Variants in AGBL4 observed in about 807,000 individuals in gnomAD.
AGBL4 encodes cytosolic carboxypeptidase 6.
Under a neutral mutation model 66.4 loss-of-function variants are expected in AGBL4, and 58 were observed. That is an observed-to-expected ratio of 0.87 (90% CI 0.71 to 1.09). The LOEUF is 1.09. AGBL4 is among the 50% of genes least tolerant of loss of function. The pLI, the probability that AGBL4 is intolerant of heterozygous loss-of-function variation, is 0.00. For synonymous variants in AGBL4, 234 were observed against 222.9 expected, an observed-to-expected ratio of 1.05 and a Z score of -0.44; for missense variants, 579 against 631.0, an observed-to-expected ratio of 0.92 and a Z score of 0.88.
intron 3 of AGBL4, among the ~76,000 whole-genome samples, chr1:49,330,414 G>C (rs1326586629): frequency 1.3e-5 from 2 of 152,116 alleles, no homozygotes; most frequent in Admixed American, 6.5e-5. Context: ...GCGAGACTGT[G>C]TCTCAAAATA....
chr1:49,953,348 A>G (rs1242847543), intron 1 of AGBL4, among the ~76,000 whole-genome samples: 4 of 151,972 alleles, frequency 2.6e-5, no homozygotes, highest in African/African-American at 9.7e-5. Context: ...GGTTAGGTAC[A>G]CTTCTTTGAT....
At chr1:49,490,095 G>A (rs1647157663) in intron 3 of AGBL4, among the ~76,000 whole-genome samples, 1 of 151,758 alleles carries the variant, frequency 6.6e-6, no homozygotes, top group African/African-American at 2.4e-5. Flanking sequence ...GTGGCAGCAG[G>A]CATCTTTGCC....
chr1:48,686,596 A>T (rs145786767), intron 6 of AGBL4, among the ~76,000 whole-genome samples: 1 of 152,208 alleles, frequency 6.6e-6, no homozygotes, highest in Non-Finnish European at 1.5e-5. Context: ...GAAAAAAGGG[A>T]CTAAGGAATA....
At chr1:48,825,614 C>T (rs993310578) in intron 6 of AGBL4, among the ~76,000 whole-genome samples, 5 of 152,036 alleles carry the variant, frequency 3.3e-5, no homozygotes, top group East Asian at 3.9e-4. Context: ...GTATTTTATT[C>T]GCTCATTGAC....
At chr1:48,719,719 G>A (rs1228420521) in intron 6 of AGBL4, among the ~76,000 whole-genome samples, 6 of 152,212 alleles carry the variant, frequency 3.9e-5, no homozygotes, top group Non-Finnish European at 8.8e-5. Flanking sequence ...TGCTTTCTAT[G>A]TGCTAGGTAT....
chr1:49,374,640 C>T lies in AGBL4; in HGVS notation c.283-128776G>A, dbSNP rs56180913. ...AAGAATTTAGTCGAGTAGGAATCAT[C>T]CTTGACCCTTCTTTTCTTTTTTACC... On this transcript the variant is annotated intron_variant, in intron 3 of 13. Transcript: ENST00000371839. 3.9e-3 allele frequency among the ~76,000 whole-genome samples: 600 copies of T among 152,154 alleles called. 3 individuals carry two copies. The highest frequency in any genetic ancestry group is 7.3e-3 in the Non-Finnish European group (498 of 67,996).
At chr1:49,185,170 C>T (rs1391237084) in intron 4 of AGBL4, among the ~76,000 whole-genome samples, 1 of 152,156 alleles carries the variant, frequency 6.6e-6, no homozygotes, top group Non-Finnish European at 1.5e-5. Context: ...TATTGTGTTC[C>T]ATAGGCTCTG....
intron 11 of AGBL4, among the ~76,000 whole-genome samples, chr1:48,559,325 T>G (rs1644363834): frequency 6.6e-6 from 1 of 152,160 alleles, no homozygotes; most frequent in African/African-American, 2.4e-5. Flanking sequence ...AGTACCTGTA[T>G]GCAGGAAGAT....
chr1:49,313,437 G>A (rs560709237), intron 3 of AGBL4, among the ~76,000 whole-genome samples: 1 of 152,218 alleles, frequency 6.6e-6, no homozygotes, highest in East Asian at 1.9e-4. Context: ...CTAGATCCTT[G>A]AGGAATCACC....
At chr1:49,650,662 A>T (rs1645984601) in intron 3 of AGBL4, among the ~76,000 whole-genome samples, 1 of 152,202 alleles carries the variant, frequency 6.6e-6, no homozygotes, top group South Asian at 2.1e-4. Flanking sequence ...TTTGGCAACT[A>T]CAGGGAACCA....
At chr1:49,396,253 C>T (rs1364615101) in intron 3 of AGBL4, among the ~76,000 whole-genome samples, 3 of 151,762 alleles carry the variant, frequency 2.0e-5, no homozygotes, top group African/African-American at 7.3e-5. Context: ...AGGATAGATA[C>T]TAGATGCAGG....
chr1:49,445,150 G>GT (rs915564583), intron 3 of AGBL4, among the ~76,000 whole-genome samples: 81 of 148,130 alleles, frequency 5.5e-4, no homozygotes, highest in East Asian at 3.9e-3. Flanking sequence ...ATGGCTGACA[G>GT]TTTTTTTTTT....
chr1:49,711,321 G>A (rs1212995687), intron 2 of AGBL4, among the ~76,000 whole-genome samples: 1 of 151,982 alleles, frequency 6.6e-6, no homozygotes, highest in Non-Finnish European at 1.5e-5. Context: ...ATTTGTAATA[G>A]CTGAAAACTG....
At chr1:49,590,383 T>C (rs911606330) in intron 3 of AGBL4, among the ~76,000 whole-genome samples, 1 of 149,872 alleles carries the variant, frequency 6.7e-6, no homozygotes, top group African/African-American at 2.5e-5. Context: ...TGAAAAAGAA[T>C]TTGTACAGAA....
chr1:48,998,840 G>A (rs1167861249), intron 5 of AGBL4, among the ~76,000 whole-genome samples: 1 of 152,168 alleles, frequency 6.6e-6, no homozygotes, highest in Non-Finnish European at 1.5e-5. Context: ...TTAACACATA[G>A]GGAAACATAC....
At chr1:48,625,580 A>G (rs1645490589) in intron 9 of AGBL4, among the ~76,000 whole-genome samples, 1 of 152,200 alleles carries the variant, frequency 6.6e-6, no homozygotes, top group South Asian at 2.1e-4. Flanking sequence ...GTATATGCAT[A>G]GTATCTAATC....
chr1:48,637,465 T>C (rs1190856354), intron 8 of AGBL4, among the ~76,000 whole-genome samples: 2 of 152,138 alleles, frequency 1.3e-5, no homozygotes, highest in Non-Finnish European at 2.9e-5. Context: ...AGATGAGGCA[T>C]GATTTTGCCC....
intron 1 of AGBL4, among the ~76,000 whole-genome samples, chr1:49,933,061 T>A (rs1489874647): frequency 6.6e-6 from 1 of 152,072 alleles, no homozygotes; most frequent in Admixed American, 6.6e-5. Flanking sequence ...ACATCCAGAT[T>A]TATGAAGCCC....
intron 1 of AGBL4, among the ~76,000 whole-genome samples, chr1:49,918,318 A>G (rs1272272337): frequency 6.6e-6 from 1 of 152,236 alleles, no homozygotes; most frequent in Non-Finnish European, 1.5e-5. Context: ...GAAAAGATCA[A>G]CAAAAGTGAT....
Sources: gnomAD v4.1 joint callset for allele counts (sites outside exome capture counted in the v4.1 genomes callset) on GRCh38, gnomAD v4.1.1 for gene constraint, MANE v1.5 for transcripts, NCBI Gene and HGNC (gene_info 2026-07-23, HGNC 2026-07-21) for gene names.